STXBP4: variants seen among roughly 807,000 people sequenced by gnomAD.
The protein encoded by STXBP4 is syntaxin-binding protein 4.
Under a neutral mutation model 76.1 loss-of-function variants are expected in STXBP4, and 55 were observed. The observed-to-expected ratio is 0.72, with a 90% CI of 0.58 to 0.91. STXBP4 has a LOEUF of 0.91. Ranked by LOEUF, STXBP4 falls within the 40% of genes least tolerant of loss-of-function variation. STXBP4 has a pLI of 0.00. For missense variants in STXBP4, 618 were observed against 636.9 expected (o/e 0.97, Z 0.32); for synonymous variants, 201 against 220.2 (o/e 0.91, Z 0.77).
At chr17:54,972,750 C>CA (rs1203693357) in intron 1 of STXBP4, among the ~76,000 whole-genome samples, 1 of 152,176 alleles carries the variant, frequency 6.6e-6, no homozygotes, top group African/African-American at 2.4e-5. Context: ...TAGCCTCTCT[C>CA]AGCAGAGACC....
intron 13 of STXBP4, among the ~76,000 whole-genome samples, chr17:55,076,076 C>G (rs188540929): frequency 5.3e-4 from 80 of 152,162 alleles, no homozygotes; most frequent in Middle Eastern, 3.4e-3. Context: ...GGTTACTAAT[C>G]CTTTGTTAAA....
At chr17:55,210,902 C>T in the STXBP4 span, among the ~76,000 whole-genome samples, 1 of 152,130 alleles carries the variant, frequency 6.6e-6, no homozygotes, top group Non-Finnish European at 1.5e-5. Context: ...AGGCATAAAT[C>T]ATCATTAAGA....
chr17:55,193,815 G>GAAAA, the STXBP4 span, among the ~76,000 whole-genome samples: 699 of 105,832 alleles, frequency 6.6e-3, 18 homozygotes, highest in African/African-American at 0.02. Flanking sequence ...CCTGATTTCA[G>GAAAA]AAAAAAAAAA....
intron 17 of STXBP4, among the ~76,000 whole-genome samples, chr17:55,142,698 T>C (rs1054074815): frequency 2.0e-5 from 3 of 152,224 alleles, no homozygotes; most frequent in Non-Finnish European, 4.4e-5. Context: ...GCTTTGTATT[T>C]GAAAAAATTT....
intron 1 of STXBP4, among the ~76,000 whole-genome samples, chr17:54,969,230 C>T (rs866177036): frequency 2.0e-5 from 3 of 152,196 alleles, no homozygotes. Context: ...AGGAGGGAGG[C>T]TGTCACGCTG....
chr17:55,024,182 T>A (rs1360400022), intron 8 of STXBP4, among the ~76,000 whole-genome samples: 1 of 152,216 alleles, frequency 6.6e-6, no homozygotes, highest in Non-Finnish European at 1.5e-5. Flanking sequence ...GGAACTCTCA[T>A]GTGATACTCA....
At chr17:55,145,497 A>G (rs2080142173) in intron 17 of STXBP4, among the ~76,000 whole-genome samples, 1 of 152,246 alleles carries the variant, frequency 6.6e-6, no homozygotes, top group Non-Finnish European at 1.5e-5. Context: ...AGCCTCTGGC[A>G]AGGGAATAAC....
At chr17:55,001,733 C>T (rs1015045095) in intron 7 of STXBP4, among the ~76,000 whole-genome samples, 1 of 152,060 alleles carries the variant, frequency 6.6e-6, no homozygotes, top group Non-Finnish European at 1.5e-5. Flanking sequence ...CCTGGGTTCA[C>T]GCCATTCTCC....
chr17:55,071,975 C>G (rs1037382683), intron 12 of STXBP4, among the ~76,000 whole-genome samples: 1 of 152,184 alleles, frequency 6.6e-6, no homozygotes, highest in Non-Finnish European at 1.5e-5. Flanking sequence ...GGGGGACTGT[C>G]TTTGACCCAG....
intron 12 of STXBP4, among the ~76,000 whole-genome samples, chr17:55,062,831 G>T (rs1744880443): frequency 6.6e-6 from 1 of 152,098 alleles, no homozygotes; most frequent in East Asian, 1.9e-4. Context: ...GTTTTGATTT[G>T]CATTTCTCTA....
intron 16 of STXBP4, among the ~76,000 whole-genome samples, chr17:55,113,021 C>T (rs1287492698): frequency 2.0e-5 from 3 of 152,042 alleles, no homozygotes; most frequent in East Asian, 3.9e-4. Flanking sequence ...ACAATTTACT[C>T]GAACACCATT....
the STXBP4 span, among the ~76,000 whole-genome samples, chr17:55,191,351 T>C: frequency 6.6e-6 from 1 of 152,186 alleles, no homozygotes; most frequent in Non-Finnish European, 1.5e-5. Context: ...CCTGAGATTC[T>C]GCATTTCCAG....
At chr17:55,015,944 G>C (rs2078200571) in intron 8 of STXBP4, among the ~76,000 whole-genome samples, 1 of 152,190 alleles carries the variant, frequency 6.6e-6, no homozygotes, top group Non-Finnish European at 1.5e-5. Flanking sequence ...CTTCCCTCAG[G>C]AGGCCAGGTT....
At chr17:55,033,760 T>C (rs12449538) in intron 9 of STXBP4, among the ~76,000 whole-genome samples, 103,209 of 152,052 alleles carry the variant, frequency 0.68, 35,162 homozygotes, top group South Asian at 0.78. Context: ...TGCTAAGCAC[T>C]GTGCCTGCCA....
intron 16 of STXBP4, among the ~76,000 whole-genome samples, chr17:55,124,806 G>C (rs2079889782): frequency 6.6e-6 from 1 of 152,222 alleles, no homozygotes; most frequent in South Asian, 2.1e-4. Flanking sequence ...GGAAAAGTAA[G>C]CGTAAGCTTC....
At position 55,162,566 on chromosome 17, in the gene STXBP4, G is replaced by C. The variant is rs1227866016; in HGVS notation, c.*2655G>C. The C allele has an allele frequency of 1.2e-5, 1 of 84,146 alleles. No individual in the cohort carries two copies. Among genetic ancestry groups the C allele is most frequent in the East Asian group, 2.5e-4 (1 of 4,080 alleles). The allele number at this position is 84,146 out of a possible 1,614,324, so 5.2% of individuals were successfully genotyped here. ...CATTTCCTGGGTTCCACTTACTCTT[G>C]ATTTAAAAAAAAAAAAACAACAAAA... On this transcript the variant is annotated 3_prime_UTR_variant, in exon 18 of 18. Coordinates refer to ENST00000376352, the MANE Select transcript of STXBP4 (RefSeq NM_178509.6).
rs1197681404 is a variant in STXBP4, at chr17:54,999,770, T to G, written c.426T>G (p.Ser142=). 1 of 1,613,322 alleles carries G rather than the reference T, an allele frequency of 6.2e-7. No individual in the cohort carries two copies. The highest frequency in any genetic ancestry group is 1.3e-5 in the African/African-American group (1 of 74,952). Residue 142 remains serine, a synonymous_variant, in exon 6 of 18, where the codon TCT becomes TCG. Transcript: ENST00000376352. ...CCTCAACATTAAGTCTTTTTTCTTC[T>G]CCTCCTGAAATACTAATCCCAAAGA... is the stretch of plus-strand genomic sequence containing the variant. ...PQASTLSLFS[S]PPEILIPKTS... is the part of the protein sequence containing the mutation.
chr17:55,068,567 A>G (rs1388546418), intron 12 of STXBP4, among the ~76,000 whole-genome samples: 1 of 152,150 alleles, frequency 6.6e-6, no homozygotes, highest in Non-Finnish European at 1.5e-5. Context: ...AAAGTTCAAG[A>G]GCTGGTGTTA....
intron 10 of STXBP4, among the ~76,000 whole-genome samples, chr17:55,040,617 A>G (rs140073368): frequency 5.3e-5 from 8 of 152,318 alleles, no homozygotes; most frequent in Non-Finnish European, 1.0e-4. Flanking sequence ...GGAGAGGTGA[A>G]GTCAGACCTA....
Sources: allele counts gnomAD v4.1 joint callset (sites outside exome capture counted in the v4.1 genomes callset), GRCh38; gene constraint gnomAD v4.1.1; transcripts MANE v1.5; gene names NCBI Gene and HGNC (gene_info 2026-07-23, HGNC 2026-07-21).